NT5DC1: variants seen among roughly 807,000 people sequenced by gnomAD.
NT5DC1 encodes 5'-nucleotidase domain-containing protein 1.
In NT5DC1, 42 loss-of-function variants were observed where a neutral mutation model predicts 59.4. The observed-to-expected ratio is 0.71, with a 90% CI of 0.55 to 0.92. The LOEUF is 0.92. Among genes scored for constraint, NT5DC1 ranks in the 40% least tolerant of loss-of-function variants. NT5DC1 has a pLI of 0.00. For missense variants in NT5DC1, 501 were observed against 537.1 expected (o/e 0.93, Z 0.66); for synonymous variants, 172 against 188.1 (o/e 0.91, Z 0.70).
At chr6:116,111,018 T>C (rs888126980) in intron 4 of NT5DC1, 62 bp downstream of exon 4, 4 of 1,152,370 alleles carry the variant, frequency 3.5e-6, no homozygotes, top group Non-Finnish European at 5.2e-6. Flanking sequence ...CCTAAACCTT[T>C]GATGTCAGGA....
chr6:116,190,533 C>T (rs555013552), intron 6 of NT5DC1, among the ~76,000 whole-genome samples: 1 of 151,986 alleles, frequency 6.6e-6, no homozygotes, highest in South Asian at 2.1e-4. Context: ...CCTCCCATCA[C>T]ATTAGTTGCC....
At chr6:116,200,718 C>T (rs1781330498) in intron 6 of NT5DC1, among the ~76,000 whole-genome samples, 1 of 151,864 alleles carries the variant, frequency 6.6e-6, no homozygotes, top group African/African-American at 2.4e-5. Context: ...ATTTAATGTC[C>T]TTATGGATCG....
At chr6:116,210,338 A>G (rs142672437) in intron 6 of NT5DC1, among the ~76,000 whole-genome samples, 52 of 151,700 alleles carry the variant, frequency 3.4e-4, no homozygotes, top group African/African-American at 1.2e-3. Flanking sequence ...ACAACCTCAA[A>G]CCCCTGAAAT....
chr6:116,128,609 T>A (rs962251184), intron 6 of NT5DC1, among the ~76,000 whole-genome samples: 1 of 152,184 alleles, frequency 6.6e-6, no homozygotes, highest in African/African-American at 2.4e-5. Context: ...GTTTCTTAAG[T>A]GCTTCTTAAG....
At chr6:116,223,974 A>G (rs964744649) in intron 8 of NT5DC1, among the ~76,000 whole-genome samples, 10 of 152,224 alleles carry the variant, frequency 6.6e-5, no homozygotes, top group Admixed American at 1.3e-4. Context: ...ACAGAATGAT[A>G]AAATTAACAT....
intron 6 of NT5DC1, chr6:116,125,366 A>G (rs752123744): frequency 6.2e-7 from 1 of 1,613,672 alleles, no homozygotes; most frequent in South Asian, 1.1e-5. Flanking sequence ...TAGGGAATGA[A>G]GAACTGTGTC....
chr6:116,226,332 T>TA (rs1781908744), intron 8 of NT5DC1, among the ~76,000 whole-genome samples: 2 of 152,100 alleles, frequency 1.3e-5, no homozygotes, highest in African/African-American at 4.8e-5. Context: ...TAGTAGTATT[T>TA]ATGCCATTCC....
At chr6:116,175,608 C>T (rs970817123) in intron 6 of NT5DC1, among the ~76,000 whole-genome samples, 6 of 152,126 alleles carry the variant, frequency 3.9e-5, no homozygotes, top group East Asian at 1.9e-4. Context: ...CCTTCTCCCC[C>T]GACACAGTTT....
At position 116,237,080 on chromosome 6, in the gene NT5DC1, C is replaced by G. The variant is rs764960102; in HGVS notation, c.917C>G (p.Pro306Arg). 1 of 1,591,048 alleles carries G rather than the reference C, an allele frequency of 6.3e-7. No homozygotes were observed. Among genetic ancestry groups the G allele is most frequent in the East Asian group, 2.2e-5 (1 of 44,778 alleles). ...LLKKMTGKPE[P>R]KVVYFGDSMH... is the part of the protein sequence containing the mutation. ...AAGAAAATGACTGGCAAACCTGAAC[C>G]CAAGGTATTTCCCAGTTGAGGAGAA... The change falls in exon 9 of 12, where the codon CCC becomes CGC. Residue 306 changes from proline (P) to arginine (R), a missense_variant. Pro to Arg is a moderately radical substitution (Grantham distance 103). Transcript: ENST00000319550.
intron 6 of NT5DC1, among the ~76,000 whole-genome samples, chr6:116,201,748 A>G (rs1781351796): frequency 6.6e-6 from 1 of 152,048 alleles, no homozygotes; most frequent in African/African-American, 2.4e-5. Context: ...ACACAGGTGT[A>G]CAGCCTAAGC....
chr6:116,188,332 G>A (rs1232012197), intron 6 of NT5DC1, among the ~76,000 whole-genome samples: 1 of 152,010 alleles, frequency 6.6e-6, no homozygotes, highest in Admixed American at 6.6e-5. Context: ...AGCCATATTA[G>A]GCTGCAATAT....
At chr6:116,136,808 A>G (rs1779618179) in intron 6 of NT5DC1, among the ~76,000 whole-genome samples, 1 of 152,234 alleles carries the variant, frequency 6.6e-6, no homozygotes, top group Admixed American at 6.5e-5. Context: ...TCAGAACAAG[A>G]AGCCCTCAGA....
At chr6:116,192,082 G>A (rs1015830943) in intron 6 of NT5DC1, among the ~76,000 whole-genome samples, 1 of 151,986 alleles carries the variant, frequency 6.6e-6, no homozygotes, top group African/African-American at 2.4e-5. Context: ...TTAATATCAT[G>A]ATTAAGAATT....
At chr6:116,176,941 A>G (rs1350561430) in intron 6 of NT5DC1, among the ~76,000 whole-genome samples, 1 of 152,176 alleles carries the variant, frequency 6.6e-6, no homozygotes, top group Non-Finnish European at 1.5e-5. Flanking sequence ...GTAATTTTAG[A>G]AAGTTTATAA....
chr6:116,202,636 T>C (rs150064119), intron 6 of NT5DC1, among the ~76,000 whole-genome samples: 6 of 152,160 alleles, frequency 3.9e-5, no homozygotes, highest in East Asian at 1.9e-4. Flanking sequence ...CAGAGTCATA[T>C]GAAAATCCAG....
At chr6:116,125,537 A>G (rs1562127525) in intron 6 of NT5DC1, 1 of 1,594,694 alleles carries the variant, frequency 6.3e-7, no homozygotes, top group African/African-American at 1.3e-5. Flanking sequence ...AACTTTATAC[A>G]GCATTGTTAT....
chr6:116,174,402 A>G (rs931165242), intron 6 of NT5DC1, among the ~76,000 whole-genome samples: 2 of 152,204 alleles, frequency 1.3e-5, no homozygotes, highest in Non-Finnish European at 2.9e-5. Flanking sequence ...AGCAGTGTTA[A>G]TTCTTCCCCT....
At chr6:116,197,529 C>T (rs1337655422) in intron 6 of NT5DC1, among the ~76,000 whole-genome samples, 2 of 151,966 alleles carry the variant, frequency 1.3e-5, no homozygotes, top group Non-Finnish European at 2.9e-5. Flanking sequence ...CCAGGTACAG[C>T]GGTTAATAAC....
chr6:116,231,352 G>C (rs948191412), intron 8 of NT5DC1, among the ~76,000 whole-genome samples: 3 of 151,734 alleles, frequency 2.0e-5, no homozygotes, highest in African/African-American at 7.3e-5. Flanking sequence ...ATTGAGGAAG[G>C]GATTTATAAA....
Sources: gnomAD v4.1 joint callset for allele counts (sites outside exome capture counted in the v4.1 genomes callset) on GRCh38, gnomAD v4.1.1 for gene constraint, MANE v1.5 for transcripts, NCBI Gene and HGNC (gene_info 2026-07-23, HGNC 2026-07-21) for gene names.